The following PHLDB2 variants were observed in gnomAD, a reference collection of about 807,000 sequenced individuals.
PHLDB2 encodes pleckstrin homology-like domain family B member 2.
Under a neutral mutation model 123.6 loss-of-function variants are expected in PHLDB2, and 71 were observed. That is an observed-to-expected ratio of 0.57 (90% CI 0.47 to 0.70). The LOEUF (loss-of-function observed/expected upper bound fraction) is 0.70. Ranked by LOEUF, PHLDB2 falls within the 30% of genes least tolerant of loss-of-function variation. The pLI is 0.00. For missense variants in PHLDB2, 1,446 were observed against 1,519.5 expected, an observed-to-expected ratio of 0.95 and a Z score of 0.80; for synonymous variants, 547 against 541.6, an observed-to-expected ratio of 1.01 and a Z score of -0.14.
chr3:111,973,584 G>A, intron 16 of PHLDB2, 148 bp from the exon 17 acceptor site: 1 of 446,276 alleles, frequency 2.2e-6, no homozygotes, highest in Non-Finnish European at 4.0e-6. Context: ...GATAGAAGGG[G>A]CCTCATGCAC....
chr3:111,817,903 ATAT>A lies in PHLDB2; in HGVS notation c.-48-27913_-48-27911del, dbSNP rs1398046772. ...GAGAAGATAGGCTGGTAATATTAAT[ATAT>A]TATTGAAATTAATAAGTACAAGACA... On this transcript the variant is annotated intron_variant, in intron 1 of 17. Coordinates refer to the PHLDB2 transcript ENST00000393923. Among the ~76,000 whole-genome samples, 3 of 152,176 alleles carry A rather than the reference ATAT, an allele frequency of 2.0e-5. No homozygotes were observed. The East Asian group carries it at 5.8e-4, about 29-fold the overall frequency.
intron 12 of PHLDB2, 102 bp downstream of exon 12, chr3:111,954,131 C>A (rs1249431543): frequency 2.0e-6 from 2 of 997,402 alleles, no homozygotes; most frequent in Non-Finnish European, 3.0e-6. Context: ...GAGGAGGGAT[C>A]AACCAAAGGC....
At chr3:111,736,009 C>T (rs1353726829) in intron 1 of PHLDB2, among the ~76,000 whole-genome samples, 17 of 152,088 alleles carry the variant, frequency 1.1e-4, no homozygotes, top group Admixed American at 1.1e-3. Flanking sequence ...TGATCAGATC[C>T]TTAGAGTATA....
chr3:111,971,410 G>A (rs936591080), intron 16 of PHLDB2, among the ~76,000 whole-genome samples: 1 of 151,614 alleles, frequency 6.6e-6, no homozygotes, highest in Admixed American at 6.6e-5. Flanking sequence ...ATGTGTCTTT[G>A]CAAACCAAAA....
At chr3:111,834,005 AATATATG>A in intron 1 of PHLDB2, among the ~76,000 whole-genome samples, 1 of 110,142 alleles carries the variant, frequency 9.1e-6, no homozygotes, top group African/African-American at 3.9e-5. Context: ...AATTATATAT[AATATATG>A]TAATAGAATT....
intron 1 of PHLDB2, 142 bp downstream of exon 1, chr3:111,859,718 G>A (rs1409263933): frequency 2.0e-6 from 2 of 985,350 alleles, no homozygotes; most frequent in Admixed American, 6.1e-5. Context: ...GCGGAGAGGA[G>A]GCAGTGGCTG....
chr3:111,965,698 A>G (rs1411860768), intron 13 of PHLDB2, among the ~76,000 whole-genome samples: 2 of 152,254 alleles, frequency 1.3e-5, no homozygotes, highest in African/African-American at 4.8e-5. Context: ...ACAAAAGTAC[A>G]CATGCATTAC....
chr3:111,859,782 C>T, intron 1 of PHLDB2: 1 of 980,356 alleles, frequency 1.0e-6, no homozygotes, highest in Non-Finnish European at 1.2e-6. Flanking sequence ...GAGGGGCCGG[C>T]GGGCTCACGG....
intron 11 of PHLDB2, 150 bp downstream of exon 11, chr3:111,952,862 C>T: frequency 1.0e-6 from 1 of 994,442 alleles, no homozygotes; most frequent in East Asian, 2.7e-5. Flanking sequence ...ATCTCATTTT[C>T]TACCTGTTCA....
At chr3:111,894,645 A>G (rs1329059339) in intron 2 of PHLDB2, among the ~76,000 whole-genome samples, 2 of 151,006 alleles carry the variant, frequency 1.3e-5, no homozygotes, top group Admixed American at 6.6e-5. Flanking sequence ...TTTGATTTGC[A>G]TTTCTCTACT....
At chr3:111,744,475 A>G (rs540618045) in intron 1 of PHLDB2, among the ~76,000 whole-genome samples, 27 of 152,228 alleles carry the variant, frequency 1.8e-4, no homozygotes, top group Non-Finnish European at 3.4e-4. Flanking sequence ...CGCAGTGCAT[A>G]AAAAGTTTCA....
intron 2 of PHLDB2, among the ~76,000 whole-genome samples, chr3:111,900,597 T>C (rs543880378): frequency 2.5e-4 from 38 of 152,270 alleles, no homozygotes; most frequent in Middle Eastern, 3.4e-3. Flanking sequence ...TGTCCAAAAC[T>C]ATTACAATAG....
chr3:111,781,893 A>G (rs2060489360), intron 1 of PHLDB2, among the ~76,000 whole-genome samples: 1 of 152,084 alleles, frequency 6.6e-6, no homozygotes, highest in Non-Finnish European at 1.5e-5. Context: ...ACAGTCCTCT[A>G]AATGATGAGA....
chr3:111,910,904 G>A (rs2067847853), intron 2 of PHLDB2, among the ~76,000 whole-genome samples: 1 of 152,110 alleles, frequency 6.6e-6, no homozygotes, highest in Non-Finnish European at 1.5e-5. Context: ...TAAACTCGTG[G>A]GCAGCAGTGC....
At chr3:111,846,067 G>A in intron 2 of PHLDB2, 2 of 938,160 alleles carry the variant, frequency 2.1e-6, no homozygotes, top group Non-Finnish European at 3.2e-6. Flanking sequence ...GAGAGCCTGA[G>A]GCTGGCAATC....
rs573722144 is a variant in PHLDB2 at position 111,859,531 on chromosome 3, C to T, written c.-60C>T. ...ACGGTGTGGCGTGGCGCAAGGAGCG[C>T]GCCTGCCTTCTCTCGCCGCCGGGAA... is the stretch of plus-strand genomic sequence containing the variant. On this transcript the variant is annotated 5_prime_UTR_variant, in exon 1 of 18. Transcript: ENST00000431670. 2.0e-6 allele frequency: 2 copies of T among 985,594 alleles called. No individual in the cohort carries two copies. Among genetic ancestry groups the T allele is most frequent in the Admixed American group, 6.1e-5 (1 of 16,286 alleles). 61.1% of individuals were successfully genotyped at this position (985,594 alleles called of 1,614,324 possible). A position where few individuals can be genotyped will look rare whatever the true frequency, so the allele number is the denominator to read the frequency against.
chr3:111,908,471 TA>T (rs2067685439), intron 2 of PHLDB2, among the ~76,000 whole-genome samples: 1 of 152,210 alleles, frequency 6.6e-6, no homozygotes, highest in South Asian at 2.1e-4. Flanking sequence ...TAGTGTGGGT[TA>T]AAAGAGGCCT....
chr3:111,957,564 G>GAAGAA, intron 12 of PHLDB2: 1 of 152,338 alleles, frequency 6.6e-6, no homozygotes, highest in South Asian at 2.1e-4. Context: ...TATATAAAGA[G>GAAGAA]AATAGAGGGT....
chr3:111,932,492 A>C (rs2069200330), intron 6 of PHLDB2, 95 bp downstream of exon 6: 3 of 1,239,320 alleles, frequency 2.4e-6, no homozygotes, highest in South Asian at 3.2e-5. Context: ...TTCATATAGC[A>C]TAAGTTTGCA....
Sources: gnomAD v4.1 joint callset for allele counts (sites outside exome capture counted in the v4.1 genomes callset) on GRCh38, gnomAD v4.1.1 for gene constraint, MANE v1.5 for transcripts, NCBI Gene and HGNC (gene_info 2026-07-23, HGNC 2026-07-21) for gene names.